Variants in SPARCL1 observed in about 807,000 individuals in gnomAD.
SPARCL1 encodes SPARC-like protein 1.
A neutral mutation model predicts 67.1 loss-of-function variants in SPARCL1; 52 were observed. The ratio of observed to expected loss-of-function variants is 0.78; its 90% CI spans 0.62 to 0.98. SPARCL1 has a LOEUF of 0.98. Among genes scored for constraint, SPARCL1 ranks in the 50% least tolerant of loss-of-function variants. The pLI is 0.00. For synonymous variants in SPARCL1, 226 were observed against 267.8 expected, an observed-to-expected ratio of 0.84 and a Z score of 1.52; for missense variants, 717 against 782.4, an observed-to-expected ratio of 0.92 and a Z score of 1.00.
chr4:87,493,807 C>T lies in SPARCL1; in HGVS notation c.993G>A (p.Thr331=), dbSNP rs145736129. 288 of 1,614,060 alleles carry T rather than the reference C, an allele frequency of 1.8e-4. No individual in the cohort carries two copies. The highest frequency in any genetic ancestry group is 2.2e-4 in the Non-Finnish European group (258 of 1,179,992). Reference sequence around the variant, plus strand: ...CATCATCAACTCCATGATTTCTGGGCGTGGTATTACCATCATCAGTAGGTT... The same window carrying T: ...CATCATCAACTCCATGATTTCTGGGTGTGGTATTACCATCATCAGTAGGTT... ...LMEPTDDGNT[T]PRNHGVDDDG... is the part of the protein sequence containing the mutation. The change falls in exon 4 of 11, where the codon ACG becomes ACA. Residue 331 remains threonine, a synonymous_variant. Transcript: ENST00000282470.
intron 1 of SPARCL1, among the ~76,000 whole-genome samples, chr4:87,525,427 C>T (rs1229954282): frequency 6.6e-6 from 1 of 152,198 alleles, no homozygotes; most frequent in Non-Finnish European, 1.5e-5. Context: ...CAAGTCCAGG[C>T]AGTCTGCCCC....
At chr4:87,511,888 T>C (rs567618879) in intron 1 of SPARCL1, among the ~76,000 whole-genome samples, 155 of 151,918 alleles carry the variant, frequency 1.0e-3, no homozygotes, top group Non-Finnish European at 1.9e-3. Context: ...TTAAAGGGAA[T>C]ATGCAGTTAC....
intron 1 of SPARCL1, among the ~76,000 whole-genome samples, chr4:87,519,611 T>C (rs1725723040): frequency 5.3e-5 from 8 of 152,168 alleles, no homozygotes; most frequent in Admixed American, 5.2e-4. Flanking sequence ...GACTGCATGA[T>C]TCTTCTGAAA....
At chr4:87,499,036 G>A (rs924238172) in intron 2 of SPARCL1, among the ~76,000 whole-genome samples, 5 of 151,958 alleles carry the variant, frequency 3.3e-5, no homozygotes, top group African/African-American at 4.8e-5. Context: ...CACCATGCCC[G>A]GCTAATTTTT....
chr4:87,482,605 G>A, intron 7 of SPARCL1, 45 bp from the exon 8 acceptor site: 3 of 1,609,420 alleles, frequency 1.9e-6, no homozygotes, highest in Non-Finnish European at 2.5e-6. Context: ...GCTTATTTGT[G>A]TCCTATGGCA....
At chr4:87,528,937 T>C (rs1475679179) in intron 1 of SPARCL1, 108 bp downstream of exon 1, 1 of 152,220 alleles carries the variant, frequency 6.6e-6, no homozygotes, top group Non-Finnish European at 1.5e-5. Context: ...TTTTGGTAAA[T>C]AAATGGCTTT....
At chr4:87,521,155 A>T (rs1213156160) in intron 1 of SPARCL1, among the ~76,000 whole-genome samples, 1 of 152,120 alleles carries the variant, frequency 6.6e-6, no homozygotes, top group Non-Finnish European at 1.5e-5. Context: ...TATTTGATTT[A>T]TTTTCAGTTC....
intron 1 of SPARCL1, among the ~76,000 whole-genome samples, chr4:87,500,920 A>C (rs1235527446): frequency 1.3e-5 from 2 of 152,216 alleles, no homozygotes; most frequent in Non-Finnish European, 2.9e-5. Flanking sequence ...AGCTGAACCA[A>C]GTAGTCATTT....
chr4:87,506,044 C>T (rs558337012), intron 1 of SPARCL1, among the ~76,000 whole-genome samples: 27 of 152,122 alleles, frequency 1.8e-4, no homozygotes, highest in African/African-American at 6.3e-4. Context: ...TGTCCTCTGC[C>T]CATTAGATGT....
At chr4:87,523,465 A>G (rs1305567471) in intron 1 of SPARCL1, among the ~76,000 whole-genome samples, 2 of 152,218 alleles carry the variant, frequency 1.3e-5, no homozygotes, top group Non-Finnish European at 2.9e-5. Flanking sequence ...GCCCTTTAAA[A>G]AGCACTGGAA....
rs1012105434 is a variant in SPARCL1 at position 87,493,589 on chromosome 4, T to C, written c.1211A>G (p.His404Arg). ...CATTTAAAATAATTTTACCTCTTGGTGCTCTCCAGGCTCAGTGGTACCTAT... is the reference window on the plus strand; with the variant it reads ...CATTTAAAATAATTTTACCTCTTGGCGCTCTCCAGGCTCAGTGGTACCTAT... Reference protein sequence around the residue: ...ENIGTTEPGEHQEAKKAENSS... With the variant: ...ENIGTTEPGERQEAKKAENSS... Residue 404 changes from histidine to arginine, a missense_variant, in exon 4 of 11, where the codon CAC becomes CGC. His to Arg is a conservative substitution (Grantham distance 29). Coordinates refer to ENST00000282470, the MANE Select transcript of SPARCL1 (RefSeq NM_004684.6). The C allele has an allele frequency of 1.2e-6, 2 of 1,603,326 alleles. No individual in the cohort carries two copies. Among genetic ancestry groups the C allele is most frequent in the Non-Finnish European group, 1.7e-6 (2 of 1,174,098 alleles).
intron 8 of SPARCL1, among the ~76,000 whole-genome samples, chr4:87,481,281 C>T (rs533146100): frequency 2.6e-5 from 4 of 152,292 alleles, no homozygotes; most frequent in South Asian, 2.1e-4. Context: ...GGCAGTTGTG[C>T]GCATTCTCTG....
rs1180626319 is a variant in SPARCL1 at position 87,494,367 on chromosome 4, C to T, written c.433G>A (p.Val145Ile). The part of the protein sequence containing the change: ...SENTDFLAPG[V>I]SSFTDSNQQE... ...TGGTTAGAATCTGTGAAGGAACTAA[C>T]ACCAGGAGCCAAAAAATCAGTGTTC... is the stretch of plus-strand genomic sequence containing the variant. Residue 145 changes from valine (V) to isoleucine (I), a missense_variant, in exon 4 of 11, where the codon GTT becomes ATT. Coordinates refer to ENST00000282470, the MANE Select transcript of SPARCL1 (RefSeq NM_004684.6). The T allele has an allele frequency of 1.2e-6, 2 of 1,614,190 alleles. No homozygotes were observed.
Position 87,493,641 on chromosome 4 carries a change from T to C in SPARCL1, c.1159A>G (p.Arg387Gly), listed in dbSNP as rs144430788. 2.4e-5 allele frequency: 39 copies of C among 1,613,874 alleles called. No individual in the cohort carries two copies. The highest frequency in any genetic ancestry group is 3.1e-5 in the Non-Finnish European group (37 of 1,179,966). ...IAYHLKIEEQ[R>G]EKVHENENIG... ...TTTTCATTTTCATGTACTTTTTCTC[T>C]TTGCTCCTCAATTTTGAGGTGATAG... The change falls in exon 4 of 11, where the codon AGA becomes GGA. Residue 387 changes from arginine (R) to glycine (G), a missense_variant. Transcript: ENST00000282470.
intron 1 of SPARCL1, among the ~76,000 whole-genome samples, chr4:87,507,786 G>A (rs1202155168): frequency 6.6e-6 from 1 of 152,124 alleles, no homozygotes; most frequent in Non-Finnish European, 1.5e-5. Context: ...CCAGTCACAA[G>A]ATCAGGCCTC....
rs565267946 is a variant in SPARCL1, at chr4:87,483,917, A to G, written c.1532-1357T>C. Reference sequence around the variant, plus strand: ...AAGTGTCTGTTCATATCCTTCACCCACTTTTTGATGGGGTTGTTTTTTTCT... The same window carrying G: ...AAGTGTCTGTTCATATCCTTCACCCGCTTTTTGATGGGGTTGTTTTTTTCT... On this transcript the variant is annotated intron_variant, in intron 7 of 10. Coordinates refer to ENST00000282470, the MANE Select transcript of SPARCL1 (RefSeq NM_004684.6). Among the ~76,000 whole-genome samples, 381 of 151,830 alleles carry G rather than the reference A, an allele frequency of 2.5e-3. 2 individuals are homozygous for G. Among genetic ancestry groups the G allele is most frequent in the African/African-American group, 8.8e-3 (366 of 41,396 alleles).
Position 87,491,544 on chromosome 4 carries a change from G to A in SPARCL1, c.1291+74C>T, listed in dbSNP as rs781536433. Reference sequence around the variant, plus strand: ...CTGTGCAGCATTCACAAAGGATGGAGGGACAAGCCCAAAGTGGCAGATTCC... The same window carrying A: ...CTGTGCAGCATTCACAAAGGATGGAAGGACAAGCCCAAAGTGGCAGATTCC... On this transcript the variant is annotated intron_variant, in intron 5 of 10. Coordinates refer to ENST00000282470, the MANE Select transcript of SPARCL1 (RefSeq NM_004684.6). 42 of 1,169,888 alleles carry A rather than the reference G, an allele frequency of 3.6e-5. 1 individual carries two copies. Among genetic ancestry groups the A allele is most frequent in the Non-Finnish European group, 5.1e-5 (40 of 778,972 alleles). 72.5% of individuals were successfully genotyped at this position (1,169,888 alleles called of 1,614,324 possible).
rs775986309 is a variant in SPARCL1 at position 87,482,495 on chromosome 4, T to C, written c.1597A>G (p.Asn533Asp). 5.0e-6 allele frequency: 8 copies of C among 1,614,058 alleles called. No homozygotes were observed. Among genetic ancestry groups the C allele is most frequent in the Non-Finnish European group, 4.2e-6 (5 of 1,179,944 alleles). The change falls in exon 8 of 11, where the codon AAT becomes GAT. Residue 533 changes from asparagine (N) to aspartate (D), a missense_variant. Coordinates refer to ENST00000282470, the MANE Select transcript of SPARCL1 (RefSeq NM_004684.6). ...GCTTCATAAAGCTGCATGAGGATAT[T>C]CTTGAGCCAGTCTCTCATCCGTAGA... Reference protein sequence around the residue: ...FPLRMRDWLKNILMQLYEANS... With the variant: ...FPLRMRDWLKDILMQLYEANS...
At chr4:87,480,638 A>G in intron 8 of SPARCL1, 118 bp from the exon 9 acceptor site, 1 of 869,912 alleles carries the variant, frequency 1.1e-6, no homozygotes, top group South Asian at 2.2e-5. Context: ...CAAGCTCAGG[A>G]CATCATGTGC....
Sources: allele counts gnomAD v4.1 joint callset (sites outside exome capture counted in the v4.1 genomes callset), GRCh38; gene constraint gnomAD v4.1.1; transcripts MANE v1.5; gene names NCBI Gene and HGNC (gene_info 2026-07-23, HGNC 2026-07-21).